NDST4: variants seen among roughly 807,000 people sequenced by gnomAD.
The protein encoded by NDST4 is N-deacetylase and N-sulfotransferase 4.
A neutral mutation model predicts 100.8 loss-of-function variants in NDST4; 63 were observed. The ratio of observed to expected loss-of-function variants is 0.62; its 90% CI spans 0.51 to 0.77. The LOEUF is 0.77. Among genes scored for constraint, NDST4 ranks in the 30% least tolerant of loss-of-function variants. NDST4 has a pLI of 0.00. For missense variants in NDST4, 943 were observed against 1,018.4 expected, an observed-to-expected ratio of 0.93 and a Z score of 1.01; for synonymous variants, 377 against 361.8, an observed-to-expected ratio of 1.04 and a Z score of -0.48.
intron 2 of NDST4, among the ~76,000 whole-genome samples, chr4:115,061,009 G>A (rs1159083846): frequency 6.6e-6 from 1 of 151,944 alleles, no homozygotes; most frequent in African/African-American, 2.4e-5. Flanking sequence ...GTGGGTGATG[G>A]ATATGAACAA....
At chr4:115,064,999 G>T (rs1312976593) in intron 2 of NDST4, among the ~76,000 whole-genome samples, 1 of 152,012 alleles carries the variant, frequency 6.6e-6, no homozygotes, top group East Asian at 1.9e-4. Context: ...CATCCTTCCA[G>T]CATCTTTACC....
intron 7 of NDST4, among the ~76,000 whole-genome samples, chr4:114,859,691 C>T (rs1048428811): frequency 5.9e-5 from 9 of 152,192 alleles, no homozygotes; most frequent in Admixed American, 2.0e-4. Context: ...GATAGCCCAC[C>T]TCCAGTGGAT....
intron 2 of NDST4, among the ~76,000 whole-genome samples, chr4:115,016,449 T>C (rs984729687): frequency 2.0e-5 from 3 of 152,126 alleles, no homozygotes; most frequent in African/African-American, 4.8e-5. Context: ...TCTGTTCCTA[T>C]AATTTTATGT....
chr4:114,974,393 G>A lies in NDST4; in HGVS notation c.1066+2794C>T, dbSNP rs77452785. On this transcript the variant is annotated intron_variant, in intron 3 of 13. Transcript: ENST00000264363. Reference sequence around the variant, plus strand: ...TATTTTTCATAAAATAATCTCTCATGGAAAAGACCAATGTTAATTGTTAAT... The same window carrying A: ...TATTTTTCATAAAATAATCTCTCATAGAAAAGACCAATGTTAATTGTTAAT... Among the ~76,000 whole-genome samples the A allele has an allele frequency of 2.4e-3, 358 of 152,048 alleles. 2 individuals are homozygous for A. The highest frequency in any genetic ancestry group is 0.017 in the Admixed American group (262 of 15,242).
chr4:115,071,276 T>A (rs1052268253), intron 2 of NDST4, among the ~76,000 whole-genome samples: 3 of 138,178 alleles, frequency 2.2e-5, no homozygotes, highest in African/African-American at 8.1e-5. Context: ...AAGTATGCCT[T>A]CACACACACA....
chr4:114,942,950 A>C (rs1451764233), intron 4 of NDST4, among the ~76,000 whole-genome samples: 1 of 149,706 alleles, frequency 6.7e-6, no homozygotes, highest in Non-Finnish European at 1.5e-5. Flanking sequence ...CAATTTGTTT[A>C]TATCAGTTTG....
intron 7 of NDST4, among the ~76,000 whole-genome samples, chr4:114,864,280 C>T (rs1723978207): frequency 2.0e-5 from 3 of 152,192 alleles, no homozygotes; most frequent in South Asian, 4.1e-4. Context: ...TAATTACAAA[C>T]ATTTCAGAGG....
intron 6 of NDST4, among the ~76,000 whole-genome samples, chr4:114,899,935 G>A (rs560112295): frequency 3.3e-5 from 5 of 152,158 alleles, no homozygotes; most frequent in African/African-American, 1.2e-4. Context: ...TTAAATGTTT[G>A]TTAGAATTCA....
chr4:114,997,771 A>G (rs1727197121), intron 2 of NDST4, among the ~76,000 whole-genome samples: 1 of 152,062 alleles, frequency 6.6e-6, no homozygotes, highest in Admixed American at 6.6e-5. Flanking sequence ...AGCTTGCTCT[A>G]TACACTCAGA....
intron 2 of NDST4, among the ~76,000 whole-genome samples, chr4:114,979,581 C>G (rs1021151323): frequency 7.3e-5 from 11 of 151,528 alleles, no homozygotes; most frequent in Admixed American, 7.2e-4. Flanking sequence ...ATGGGCCATA[C>G]CACAAGATGA....
chr4:114,893,713 T>G (rs1171317556), intron 6 of NDST4, among the ~76,000 whole-genome samples: 1 of 152,202 alleles, frequency 6.6e-6, no homozygotes, highest in African/African-American at 2.4e-5. Flanking sequence ...TGATGATAGT[T>G]TCTTTTGCTG....
chr4:115,047,609 C>T (rs1728491332), intron 2 of NDST4, among the ~76,000 whole-genome samples: 2 of 152,010 alleles, frequency 1.3e-5, no homozygotes, highest in African/African-American at 4.8e-5. Flanking sequence ...AGTTTTAATG[C>T]TATTACACAA....
At chr4:115,071,904 T>C (rs1292065975) in intron 2 of NDST4, among the ~76,000 whole-genome samples, 1 of 152,062 alleles carries the variant, frequency 6.6e-6, no homozygotes, top group Non-Finnish European at 1.5e-5. Flanking sequence ...AGTAGATAAA[T>C]AGTTCTCAAT....
At chr4:114,841,606 G>A (rs1419950050) in intron 10 of NDST4, among the ~76,000 whole-genome samples, 1 of 152,142 alleles carries the variant, frequency 6.6e-6, no homozygotes, top group Non-Finnish European at 1.5e-5. Context: ...ATCTGCTCTA[G>A]ATAGTGACCA....
At chr4:114,902,054 T>A (rs966160991) in intron 6 of NDST4, among the ~76,000 whole-genome samples, 2 of 152,074 alleles carry the variant, frequency 1.3e-5, no homozygotes, top group African/African-American at 4.8e-5. Flanking sequence ...AACATACAAA[T>A]ATGATTACAT....
At chr4:115,045,436 T>C (rs987459975) in intron 2 of NDST4, among the ~76,000 whole-genome samples, 5 of 152,208 alleles carry the variant, frequency 3.3e-5, no homozygotes, top group African/African-American at 9.6e-5. Flanking sequence ...TGTAGAGCTC[T>C]AGAAGAACTT....
rs1214317248 is a variant in NDST4, at chr4:115,008,932, C to T, written c.979-31658G>A. On this transcript the variant is annotated intron_variant, in intron 2 of 13. Coordinates refer to ENST00000264363, the MANE Select transcript of NDST4 (RefSeq NM_022569.3). ...CAAATCACGAGTGAACTCCTATTCA[C>T]AATTGCTTCAAAGAGAATAAAATAC... Among the ~76,000 whole-genome samples the T allele has an allele frequency of 2.3e-5, 3 of 128,244 alleles. 1 individual carries two copies. Among genetic ancestry groups the T allele is most frequent in the African/African-American group, 8.9e-5 (3 of 33,712 alleles). The allele number at this position is 128,244 out of a possible 152,430, so 84.1% of individuals were successfully genotyped here. A position where few individuals can be genotyped will look rare whatever the true frequency, so the allele number is the denominator to read the frequency against.
chr4:115,054,892 T>C (rs72898620), intron 2 of NDST4, among the ~76,000 whole-genome samples: 7,558 of 152,192 alleles, frequency 0.05, 463 homozygotes, highest in African/African-American at 0.14. Context: ...GTTGCTTATT[T>C]GAGGGTTCCT....
intron 2 of NDST4, among the ~76,000 whole-genome samples, chr4:115,051,422 T>C (rs1728581154): frequency 6.6e-6 from 1 of 152,126 alleles, no homozygotes; most frequent in Admixed American, 6.6e-5. Flanking sequence ...CCATCCTTTC[T>C]ATCCTTCCTG....
Sources: gnomAD v4.1 joint callset for allele counts (sites outside exome capture counted in the v4.1 genomes callset) on GRCh38, gnomAD v4.1.1 for gene constraint, MANE v1.5 for transcripts, NCBI Gene and HGNC (gene_info 2026-07-23, HGNC 2026-07-21) for gene names.